TAF13: variants seen among roughly 807,000 people sequenced by gnomAD.
TAF13 encodes TATA-box binding protein associated factor 13, also known as transcription initiation factor TFIID subunit 13.
A neutral mutation model predicts 18.7 loss-of-function variants in TAF13; 9 were observed. That is an observed-to-expected ratio of 0.48 (90% CI 0.29 to 0.84). The LOEUF is 0.84. Ranked by LOEUF, TAF13 falls within the 40% of genes least tolerant of loss-of-function variation. The probability of loss-of-function intolerance (pLI) is 0.08; values close to 1 mark genes in which losing one functional copy is unlikely to be tolerated. For synonymous variants in TAF13, 49 were observed against 44.1 expected, an observed-to-expected ratio of 1.11 and a Z score of -0.44; for missense variants, 105 against 146.5, an observed-to-expected ratio of 0.72 and a Z score of 1.46.
chr1:109,066,128 A>G lies in TAF13; in HGVS notation c.204+7T>C, dbSNP rs1350716190. On this transcript the variant is annotated splice_region_variant and intron_variant, in intron 3 of 3. Transcript: ENST00000338366. ...ATTAACTAAGACCAGTTAGGAAAGA[A>G]TCTTACCATTTCAGTGATAAACTCT... 6.2e-7 allele frequency: 1 copy of G among 1,603,972 alleles called. No homozygotes were observed. Among genetic ancestry groups the G allele is most frequent in the Non-Finnish European group, 8.5e-7 (1 of 1,175,734 alleles).
In TAF13 at chr1:109,064,176, A is replaced by AAAAAAAAAAAAC. The variant is rs1663910234; in HGVS notation, c.*346_*347insGTTTTTTTTTTT. The AAAAAAAAAAAAC allele has an allele frequency of 1.3e-5, 2 of 151,432 alleles. No individual in the cohort carries two copies. The highest frequency in any genetic ancestry group is 2.5e-5 in the African/African-American group (1 of 39,550). 9.4% of individuals were successfully genotyped at this position (151,432 alleles called of 1,614,324 possible). On this transcript the variant is annotated 3_prime_UTR_variant, in exon 4 of 4. Coordinates refer to ENST00000338366, the MANE Select transcript of TAF13 (RefSeq NM_005645.4). Reference sequence around the variant, plus strand: ...CATCTCAAAAAAAAAAAAAAAAAAAAAAAAAGCTACAGTATAGCTTACAAG... The same window carrying AAAAAAAAAAAAC: ...CATCTCAAAAAAAAAAAAAAAAAAAAAAAAAAAAAAACAAAAAGCTACAGTATAGCTTACAAG...
chr1:109,064,747 T>A, intron 3 of TAF13, 54 bp from the exon 4 acceptor site: 1 of 1,341,060 alleles, frequency 7.5e-7, no homozygotes, highest in Non-Finnish European at 9.7e-7. Flanking sequence ...TATTTTACTG[T>A]TTTAATTTGC....
At position 109,075,963 on chromosome 1, in the gene TAF13, A is replaced by G. The variant is rs1557987860; in HGVS notation, c.-16T>C. 3.1e-6 allele frequency: 5 copies of G among 1,614,008 alleles called. No homozygotes were observed. Among genetic ancestry groups the G allele is most frequent in the Non-Finnish European group, 4.2e-6 (5 of 1,180,020 alleles). On this transcript the variant is annotated 5_prime_UTR_variant, in exon 1 of 4. Coordinates refer to ENST00000338366, the MANE Select transcript of TAF13 (RefSeq NM_005645.4). ...CATCTGCCATCCCACTAGCACGCCAACTCACAGCGTCCTGCCGGCTGGCTC... is the reference window on the plus strand; with the variant it reads ...CATCTGCCATCCCACTAGCACGCCAGCTCACAGCGTCCTGCCGGCTGGCTC...
At chr1:109,073,654 C>T (rs185655130) in intron 2 of TAF13, among the ~76,000 whole-genome samples, 5 of 152,332 alleles carry the variant, frequency 3.3e-5, no homozygotes, top group Admixed American at 6.5e-5. Flanking sequence ...GACGGAGTCT[C>T]GCTCACTCAG....
rs1305288791 is a variant in TAF13, at chr1:109,071,954, G to T, written c.106+3033C>A. Among the ~76,000 whole-genome samples the T allele has an allele frequency of 4.9e-5, 2 of 40,484 alleles. 1 individual carries two copies. The highest frequency in any genetic ancestry group is 1.1e-4 in the Non-Finnish European group (2 of 18,496). The allele number at this position is 40,484 out of a possible 152,430, so 26.6% of individuals were successfully genotyped here. A position where few individuals can be genotyped will look rare whatever the true frequency, so the allele number is the denominator to read the frequency against. ...CAACAGTGAGACTCTGTCTCAAAAA[G>T]AAAATATATATATATATATATACAC... On this transcript the variant is annotated intron_variant, in intron 2 of 3. Coordinates refer to ENST00000338366, the MANE Select transcript of TAF13 (RefSeq NM_005645.4).
At position 109,074,973 on chromosome 1, in the gene TAF13, C is replaced by T. The variant is rs1392674185; in HGVS notation, c.106+14G>A. 2 of 1,582,420 alleles carry T rather than the reference C, an allele frequency of 1.3e-6. No individual in the cohort carries two copies. The highest frequency in any genetic ancestry group is 2.3e-5 in the South Asian group (2 of 85,522). ...TCATCATCTATAACAAAATCATTGT[C>T]AAATACTACTTACATTCTTTAGAAA... On this transcript the variant is annotated intron_variant, in intron 2 of 3. Coordinates refer to ENST00000338366, the MANE Select transcript of TAF13 (RefSeq NM_005645.4).
At chr1:109,065,936 AC>A (rs1415370594) in intron 3 of TAF13, among the ~76,000 whole-genome samples, 198 bp downstream of exon 3, 4 of 150,908 alleles carry the variant, frequency 2.7e-5, no homozygotes, top group South Asian at 4.2e-4. Context: ...AAAAAAAAAA[AC>A]AAAAGGAAGA....
intron 2 of TAF13, among the ~76,000 whole-genome samples, chr1:109,073,955 G>A (rs915025300): frequency 5.1e-4 from 77 of 151,196 alleles, no homozygotes; most frequent in East Asian, 5.9e-4. Flanking sequence ...CCGTCTGGGA[G>A]GTGAGGAGCG....
intron 1 of TAF13, among the ~76,000 whole-genome samples, chr1:109,075,470 A>C (rs1412010259): frequency 6.6e-6 from 1 of 152,188 alleles, no homozygotes; most frequent in Non-Finnish European, 1.5e-5. Flanking sequence ...AACGTTCCTT[A>C]AGTAAGCCCG....
chr1:109,073,906 C>G (rs900519730), intron 2 of TAF13, among the ~76,000 whole-genome samples: 1 of 151,818 alleles, frequency 6.6e-6, no homozygotes, highest in Non-Finnish European at 1.5e-5. Flanking sequence ...GCCGCTACTC[C>G]GTCTGGGAGG....
intron 2 of TAF13, among the ~76,000 whole-genome samples, chr1:109,074,152 AAAAG>A (rs1419935806): frequency 4.6e-5 from 7 of 152,224 alleles, no homozygotes; most frequent in East Asian, 1.9e-4. Context: ...AAATGTGGGG[AAAAG>A]AAAGAGAGAT....
chr1:109,068,568 G>C (rs1040583524), intron 2 of TAF13, among the ~76,000 whole-genome samples: 2 of 151,896 alleles, frequency 1.3e-5, no homozygotes, highest in African/African-American at 4.8e-5. Flanking sequence ...GGCTGGTCTT[G>C]AACTCCTGGA....
At chr1:109,064,829 T>C in intron 3 of TAF13, 136 bp from the exon 4 acceptor site, 1 of 693,700 alleles carries the variant, frequency 1.4e-6, no homozygotes, top group Non-Finnish European at 2.1e-6. Flanking sequence ...TTGTGAATTA[T>C]CTTTCTACTC....
At chr1:109,065,474 G>T (rs1214042482) in intron 3 of TAF13, among the ~76,000 whole-genome samples, 1 of 151,294 alleles carries the variant, frequency 6.6e-6, no homozygotes, top group Non-Finnish European at 1.5e-5. Context: ...GGGCAACAGA[G>T]TGAGATCCTG....
rs1203060641 is a variant in TAF13, at chr1:109,071,995, T to A, written c.106+2992A>T. Among the ~76,000 whole-genome samples the A allele has an allele frequency of 4.8e-3, 12 of 2,492 alleles. 1 individual carries two copies. In the South Asian group the frequency reaches 0.089, roughly 19 times the overall value. The allele number at this position is 2,492 out of a possible 152,430, so 1.6% of individuals were successfully genotyped here. On this transcript the variant is annotated intron_variant, in intron 2 of 3. Transcript: ENST00000338366. Reference sequence around the variant, plus strand: ...ATATATACACACATATATATATATATATATATATATATATATATACACACA... The same window carrying A: ...ATATATACACACATATATATATATAAATATATATATATATATATACACACA...
At chr1:109,067,488 T>C (rs1663970919) in intron 2 of TAF13, among the ~76,000 whole-genome samples, 1 of 150,496 alleles carries the variant, frequency 6.6e-6, no homozygotes, top group Non-Finnish European at 1.5e-5. Flanking sequence ...CACATGCCTA[T>C]AATCCCAGCT....
intron 2 of TAF13, among the ~76,000 whole-genome samples, chr1:109,068,396 C>T (rs1663987373): frequency 6.6e-6 from 1 of 152,212 alleles, no homozygotes; most frequent in African/African-American, 2.4e-5. Flanking sequence ...CTTGGCCTCC[C>T]AAATTATTGG....
intron 2 of TAF13, among the ~76,000 whole-genome samples, chr1:109,068,642 C>G (rs533099753): frequency 1.3e-5 from 2 of 152,116 alleles, no homozygotes; most frequent in African/African-American, 4.8e-5. Context: ...GCCACCACAC[C>G]CAGCTGAGAT....
intron 2 of TAF13, among the ~76,000 whole-genome samples, chr1:109,071,631 T>C (rs1664054329): frequency 6.6e-6 from 1 of 150,904 alleles, no homozygotes; most frequent in Non-Finnish European, 1.5e-5. Context: ...TAAATAAAAA[T>C]TAAGAAAATA....
Sources: allele counts gnomAD v4.1 joint callset (sites outside exome capture counted in the v4.1 genomes callset), GRCh38; gene constraint gnomAD v4.1.1; transcripts MANE v1.5; gene names NCBI Gene and HGNC (gene_info 2026-07-23, HGNC 2026-07-21).